HECW2: variants seen among roughly 807,000 people sequenced by gnomAD.
HECW2 encodes HECT, C2 and WW domain containing E3 ubiquitin protein ligase 2, also known as E3 ubiquitin-protein ligase HECW2.
Under a neutral mutation model 175.2 loss-of-function variants are expected in HECW2, and 61 were observed. The ratio of observed to expected loss-of-function variants is 0.35; its 90% CI spans 0.28 to 0.43. The LOEUF (loss-of-function observed/expected upper bound fraction) is 0.43, where lower values mean the gene tolerates loss of function less well. Among genes scored for constraint, HECW2 ranks in the 20% least tolerant of loss-of-function variants. HECW2 has a pLI of 1.00. For synonymous variants in HECW2, 671 were observed against 731.0 expected, an observed-to-expected ratio of 0.92 and a Z score of 1.32; for missense variants, 1,524 against 2,000.5, an observed-to-expected ratio of 0.76 and a Z score of 4.54.
At chr2:196,265,798 C>T (rs1325891721) in intron 17 of HECW2, among the ~76,000 whole-genome samples, 2 of 152,006 alleles carry the variant, frequency 1.3e-5, no homozygotes, top group Admixed American at 1.3e-4. Context: ...AATTCCGATC[C>T]CCATTTTACA....
At chr2:196,389,436 T>C (rs893521380) in intron 2 of HECW2, among the ~76,000 whole-genome samples, 4 of 152,196 alleles carry the variant, frequency 2.6e-5, no homozygotes, top group Non-Finnish European at 5.9e-5. Context: ...ACTCCCCCTT[T>C]AGAAGTTCAA....
At chr2:196,262,599 T>C (rs1362997952) in intron 17 of HECW2, among the ~76,000 whole-genome samples, 1 of 151,892 alleles carries the variant, frequency 6.6e-6, no homozygotes, top group Non-Finnish European at 1.5e-5. Flanking sequence ...GGAGTCTCAC[T>C]GTGTCACCCA....
At chr2:196,206,572 G>A (rs186505553) in intron 28 of HECW2, among the ~76,000 whole-genome samples, 1 of 152,006 alleles carries the variant, frequency 6.6e-6, no homozygotes, top group African/African-American at 2.4e-5. Context: ...TCCTTCACTC[G>A]CTGAATAAGT....
intron 14 of HECW2, among the ~76,000 whole-genome samples, chr2:196,281,669 A>AAAAAAAAAGG (rs1690193630): frequency 6.8e-6 from 1 of 148,062 alleles, no homozygotes; most frequent in African/African-American, 2.5e-5. Context: ...AAAAAAAAAA[A>AAAAAAAAAGG]GCGTGTTCTT....
At chr2:196,518,001 T>C (rs75132204) in intron 1 of HECW2, among the ~76,000 whole-genome samples, 3,862 of 152,262 alleles carry the variant, frequency 0.025, 92 homozygotes, top group Non-Finnish European at 0.036. Flanking sequence ...ACAATTCAAA[T>C]GTCCTTTAAT....
At chr2:196,560,023 C>T (rs1011448930) in intron 1 of HECW2, among the ~76,000 whole-genome samples, 1 of 152,150 alleles carries the variant, frequency 6.6e-6, no homozygotes. Context: ...CAGAGCTTCT[C>T]AAACCTAATT....
At chr2:196,363,803 A>C (rs888746121) in intron 2 of HECW2, among the ~76,000 whole-genome samples, 2 of 152,206 alleles carry the variant, frequency 1.3e-5, no homozygotes, top group African/African-American at 2.4e-5. Flanking sequence ...CAGCCTGGGC[A>C]ACAGAGTGAG....
At chr2:196,462,687 C>A (rs1696794257) in intron 1 of HECW2, among the ~76,000 whole-genome samples, 1 of 151,958 alleles carries the variant, frequency 6.6e-6, no homozygotes, top group Non-Finnish European at 1.5e-5. Flanking sequence ...CCCACCCCTC[C>A]CCCCGAAAAA....
At chr2:196,527,493 G>C (rs541917820) in intron 1 of HECW2, among the ~76,000 whole-genome samples, 40 of 152,294 alleles carry the variant, frequency 2.6e-4, no homozygotes, top group Non-Finnish European at 3.1e-4. Context: ...CGGCCATCTT[G>C]GCTCCTCGAA....
intron 19 of HECW2, among the ~76,000 whole-genome samples, chr2:196,246,115 C>T (rs116408204): frequency 0.022 from 3,278 of 152,222 alleles, 119 homozygotes; most frequent in African/African-American, 0.075. Context: ...TCCTGTGTAC[C>T]GAAAGGCATA....
intron 2 of HECW2, among the ~76,000 whole-genome samples, chr2:196,372,009 T>C (rs1693922195): frequency 6.6e-6 from 1 of 152,230 alleles, no homozygotes. Context: ...TTCTTTTAAT[T>C]TTCAAAGAGA....
intron 5 of HECW2, among the ~76,000 whole-genome samples, chr2:196,326,591 G>T (rs765482391): frequency 2.0e-5 from 3 of 151,724 alleles, no homozygotes; most frequent in South Asian, 4.2e-4. Context: ...TTACAGGCAC[G>T]TACCACCACA....
At chr2:196,478,133 C>T (rs574507862) in intron 1 of HECW2, among the ~76,000 whole-genome samples, 8 of 152,164 alleles carry the variant, frequency 5.3e-5, no homozygotes, top group African/African-American at 9.6e-5. Flanking sequence ...ACTCATGAAC[C>T]GTGTCTCTAA....
chr2:196,311,638 A>C (rs773995127), intron 10 of HECW2, among the ~76,000 whole-genome samples: 27 of 152,100 alleles, frequency 1.8e-4, no homozygotes, highest in Non-Finnish European at 3.2e-4. Context: ...CTCTACTAAA[A>C]ATACAAAATT....
intron 2 of HECW2, among the ~76,000 whole-genome samples, chr2:196,351,001 G>A (rs1212577545): frequency 1.3e-5 from 2 of 152,054 alleles, no homozygotes; most frequent in African/African-American, 4.8e-5. Flanking sequence ...ACCTTCCACA[G>A]TTCACATTTT....
intron 10 of HECW2, among the ~76,000 whole-genome samples, chr2:196,313,701 TATG>T (rs1691584059): frequency 6.6e-6 from 1 of 151,766 alleles, no homozygotes. Context: ...TCCCTGAAAA[TATG>T]ATGAAAAGGT....
At chr2:196,378,670 A>G (rs1273082788) in intron 2 of HECW2, among the ~76,000 whole-genome samples, 6 of 152,252 alleles carry the variant, frequency 3.9e-5, no homozygotes, top group Non-Finnish European at 7.3e-5. Context: ...CAGAATGAAC[A>G]GTATTTCAAA....
chr2:196,388,858 T>G (rs1480478207), intron 2 of HECW2, among the ~76,000 whole-genome samples: 3 of 152,038 alleles, frequency 2.0e-5, no homozygotes, highest in Admixed American at 2.0e-4. Context: ...GACACCAGAG[T>G]CACTGGTCCA....
At chr2:196,542,824 A>T (rs1689272437) in intron 1 of HECW2, among the ~76,000 whole-genome samples, 1 of 149,584 alleles carries the variant, frequency 6.7e-6, no homozygotes, top group Non-Finnish European at 1.5e-5. Context: ...TCTATATATA[A>T]TCTAATATCT....
Sources: allele counts gnomAD v4.1 joint callset (sites outside exome capture counted in the v4.1 genomes callset), GRCh38; gene constraint gnomAD v4.1.1; transcripts MANE v1.5; gene names NCBI Gene and HGNC (gene_info 2026-07-23, HGNC 2026-07-21).